PLK1: variants seen among roughly 807,000 people sequenced by gnomAD.
PLK1 encodes the protein serine/threonine-protein kinase PLK1.
PLK1 carries 6 observed loss-of-function variants against 56.7 expected under a neutral mutation model. The observed-to-expected ratio is 0.11, with a 90% confidence interval of 0.06 to 0.21. The LOEUF is 0.21. Among genes scored for constraint, PLK1 ranks in the 10% least tolerant of loss-of-function variants. The pLI, the probability that PLK1 is intolerant of heterozygous loss-of-function variation, is 1.00. For missense variants in PLK1, 546 were observed against 814.4 expected (o/e 0.67, Z 4.01); for synonymous variants, 298 against 325.0 (o/e 0.92, Z 0.89).
intron 3 of PLK1, among the ~76,000 whole-genome samples, chr16:23,681,755 G>GAT (rs1959334460): frequency 6.6e-6 from 1 of 152,194 alleles, no homozygotes; most frequent in Non-Finnish European, 1.5e-5. Flanking sequence ...GTAGCCCTTT[G>GAT]ACCTGTTTTG....
intron 6 of PLK1, among the ~76,000 whole-genome samples, chr16:23,688,021 C>T (rs1378229937): frequency 6.6e-6 from 1 of 152,208 alleles, no homozygotes; most frequent in East Asian, 1.9e-4. Flanking sequence ...AGTGTCAGCT[C>T]TGTGAGCATC....
At position 23,689,130 on chromosome 16, in the gene PLK1, T is replaced by G; in HGVS notation, c.1271-108T>G. 2.1e-6 allele frequency: 2 copies of G among 960,672 alleles called. No homozygotes were observed. Among genetic ancestry groups the G allele is most frequent in the Non-Finnish European group, 3.3e-6 (2 of 614,058 alleles). 59.5% of individuals were successfully genotyped at this position (960,672 alleles called of 1,614,324 possible). On this transcript the variant is annotated intron_variant, in intron 7 of 9. Coordinates refer to ENST00000300093, the MANE Select transcript of PLK1 (RefSeq NM_005030.6). The surrounding 1 kb of genome is among the most constrained non-coding windows in gnomAD (Gnocchi z 4.8). Reference sequence around the variant, plus strand: ...AACTCCTGGGCTCAAACAATCCTCCTCCCTCAGCCTCCCAAAGTGCTGGAA... The same window carrying G: ...AACTCCTGGGCTCAAACAATCCTCCGCCCTCAGCCTCCCAAAGTGCTGGAA...
intron 5 of PLK1, among the ~76,000 whole-genome samples, chr16:23,685,040 G>A (rs1012499870): frequency 7.9e-6 from 1 of 126,024 alleles, no homozygotes; most frequent in Non-Finnish European, 1.6e-5. Context: ...GGAGGGGAGT[G>A]GTATGATCTC....
intron 5 of PLK1, 60 bp from the exon 6 acceptor site, chr16:23,687,407 TTC>T: frequency 7.3e-7 from 1 of 1,361,016 alleles, no homozygotes; most frequent in Non-Finnish European, 9.9e-7. Context: ...TCGGAAGAGT[TTC>T]AGCTGTGGCA....
Position 23,690,073 on chromosome 16 carries a change from T to A in PLK1, c.*10T>A. 1 of 1,600,074 alleles carries A rather than the reference T, an allele frequency of 6.2e-7. No homozygotes were observed. The highest frequency in any genetic ancestry group is 1.1e-5 in the South Asian group (1 of 90,898). On this transcript the variant is annotated 3_prime_UTR_variant, in exon 10 of 10. Coordinates refer to ENST00000300093, the MANE Select transcript of PLK1 (RefSeq NM_005030.6). ...TCTCAAGGCCTCCTAATAGCTGCCC[T>A]CCCCTCCGGACTGGTGCCCTCCTCA...
Position 23,689,974 on chromosome 16 carries a change from G to T in PLK1, c.1723G>T (p.Glu575Ter), listed in dbSNP as rs759460218. The T allele has an allele frequency of 1.7e-5, 27 of 1,613,802 alleles. No individual in the cohort carries two copies. Among genetic ancestry groups the T allele is most frequent in the Non-Finnish European group, 2.1e-5 (25 of 1,179,982 alleles). The stretch of plus-strand genomic sequence containing the variant: ...CCTGGAGGAGTACGGCTGCTGCAAG[G>T]AGCTGGCCAGCCGGCTCCGCTACGC... ...SLLEEYGCCK[E>*]LASRLRYART... The change falls in exon 10 of 10, where the codon GAG becomes TAG. Residue 575 changes from glutamate (E) to a stop codon, truncating the protein, a stop_gained. Transcript: ENST00000300093. LOFTEE classifies it high-confidence loss of function. This position sits in a 1 kb window ranked among gnomAD's most constrained non-coding sequence, Gnocchi z 4.8.
chr16:23,687,447 C>T (rs1567240122), intron 5 of PLK1, 22 bp from the exon 6 acceptor site: 1 of 1,534,182 alleles, frequency 6.5e-7, no homozygotes, highest in South Asian at 1.2e-5. Context: ...TCCCAACGCC[C>T]CTGTTTTTGT....
chr16:23,687,483 C>A lies in PLK1; in HGVS notation c.1051C>A (p.Leu351Met), dbSNP rs1319627345. ...TVLNKGLENPLPERPREKEEP... is the reference protein window; with the variant it reads ...TVLNKGLENPMPERPREKEEP... ...CACCTTCCTAGGCTTGGAGAACCCCCTGCCTGAGCGTCCCCGGGAAAAAGA... is the reference window on the plus strand; with the variant it reads ...CACCTTCCTAGGCTTGGAGAACCCCATGCCTGAGCGTCCCCGGGAAAAAGA... The change falls in exon 6 of 10, where the codon CTG becomes ATG. Residue 351 changes from leucine to methionine, a missense_variant. Physicochemically the swap from Leu to Met is conservative, Grantham distance 15. Transcript: ENST00000300093. 1 of 1,588,854 alleles carries A rather than the reference C, an allele frequency of 6.3e-7. No individual in the cohort carries two copies. Among genetic ancestry groups the A allele is most frequent in the Non-Finnish European group, 8.6e-7 (1 of 1,163,698 alleles).
At chr16:23,680,393 ATT>A in intron 2 of PLK1, 141 bp downstream of exon 2, 1 of 574,374 alleles carries the variant, frequency 1.7e-6, no homozygotes, top group South Asian at 2.6e-5. Flanking sequence ...CCAATGCAAT[ATT>A]TTTTTTTTAC....
At chr16:23,687,283 G>A (rs1959443526) in intron 5 of PLK1, 186 bp from the exon 6 acceptor site, 1 of 434,218 alleles carries the variant, frequency 2.3e-6, no homozygotes, top group African/African-American at 2.0e-5. Flanking sequence ...CTGAAGATCT[G>A]TTGCCTCACA....
At chr16:23,681,144 C>T in intron 3 of PLK1, 86 bp downstream of exon 3, 1 of 1,205,296 alleles carries the variant, frequency 8.3e-7, no homozygotes, top group East Asian at 2.4e-5. Context: ...TTCTGTGGAC[C>T]TTTCGGCCTG....
In PLK1 at chr16:23,689,378, T is replaced by C; in HGVS notation, c.1411T>C (p.Ser471Pro). 6.2e-7 allele frequency: 1 copy of C among 1,610,226 alleles called. No homozygotes were observed. The highest frequency in any genetic ancestry group is 8.5e-7 in the Non-Finnish European group (1 of 1,176,690). ...SYLTVSSHPN[S>P]LMKKITLLKY... ...CCTCACCGTGAGTTCCCATCCCAAC[T>C]CCTTGATGAAGAAGGTGAGTGCCGT... The change falls in exon 8 of 10, where the codon TCC becomes CCC. Residue 471 changes from serine to proline, a missense_variant. Ser to Pro is a moderately conservative substitution (Grantham distance 74). This residue lies in a region of PLK1 where 113 missense variants were observed against 202.0 expected (regional missense o/e 0.56). Coordinates refer to ENST00000300093, the MANE Select transcript of PLK1 (RefSeq NM_005030.6). This position sits in a 1 kb window ranked among gnomAD's most constrained non-coding sequence, Gnocchi z 4.8.
At position 23,684,957 on chromosome 16, in the gene PLK1, C is replaced by CTTTT. The variant is rs71154221; in HGVS notation, c.1036+907_1036+910dup. 8.3e-4 allele frequency among the ~76,000 whole-genome samples: 47 copies of CTTTT among 56,938 alleles called. 11 individuals carry two copies. The highest frequency in any genetic ancestry group is 1.3e-3 in the Non-Finnish European group (39 of 30,362). The allele number at this position is 56,938 out of a possible 152,430, so 37.4% of individuals were successfully genotyped here. A position where few individuals can be genotyped will look rare whatever the true frequency, so the allele number is the denominator to read the frequency against. ...ACAGGCGTGAACCACCAGGCCCGGC[C>CTTTT]TTTTTTTTTTTTTTTTTTTTTTTTT... On this transcript the variant is annotated intron_variant, in intron 5 of 9. Coordinates refer to ENST00000300093, the MANE Select transcript of PLK1 (RefSeq NM_005030.6).
At chr16:23,686,612 C>T (rs1223937404) in intron 5 of PLK1, among the ~76,000 whole-genome samples, 1 of 152,192 alleles carries the variant, frequency 6.6e-6, no homozygotes, top group Non-Finnish European at 1.5e-5. Flanking sequence ...CCCACCTCAG[C>T]CTCCCAAGTA....
intron 1 of PLK1, 29 bp downstream of exon 1, chr16:23,679,369 T>C: frequency 6.3e-7 from 1 of 1,592,494 alleles, no homozygotes; most frequent in Non-Finnish European, 8.6e-7. Context: ...GAACTGGAAC[T>C]GCCTGCGGGG....
chr16:23,684,117 A>T lies in PLK1; in HGVS notation c.1036+28A>T, dbSNP rs75759068. The T allele has an allele frequency of 1.4e-3, 2,133 of 1,571,840 alleles. 23 individuals carry two copies. The African/African-American group carries it at 0.024, about 18-fold the overall frequency. On this transcript the variant is annotated intron_variant, in intron 5 of 9. Transcript: ENST00000300093. Reference sequence around the variant, plus strand: ...ACAACAAGGGTCTGGGTAAGAGAGCAGACCCCCCAGAGAAAGCCCAGGTTG... The same window carrying T: ...ACAACAAGGGTCTGGGTAAGAGAGCTGACCCCCCAGAGAAAGCCCAGGTTG...
Position 23,689,181 on chromosome 16 carries a change from G to T in PLK1, c.1271-57G>T. On this transcript the variant is annotated intron_variant, in intron 7 of 9. Coordinates refer to ENST00000300093, the MANE Select transcript of PLK1 (RefSeq NM_005030.6). This position sits in a 1 kb window ranked among gnomAD's most constrained non-coding sequence, Gnocchi z 4.8. ...TCACAGGCATGTGCCACCACGCCCG[G>T]TCCCACTCCCCACTTTCTATTCCCC... is the stretch of plus-strand genomic sequence containing the variant. 1 of 1,513,094 alleles carries T rather than the reference G, an allele frequency of 6.6e-7. No homozygotes were observed. The highest frequency in any genetic ancestry group is 2.3e-5 in the East Asian group (1 of 43,870). The allele number at this position is 1,513,094 out of a possible 1,614,324, so 93.7% of individuals were successfully genotyped here.
chr16:23,687,540 G>A lies in PLK1; in HGVS notation c.1108G>A (p.Val370Ile). The change falls in exon 6 of 10, where the codon GTC (valine) becomes ATC (isoleucine). Residue 370 changes from valine (V) to isoleucine (I), a missense_variant. Coordinates refer to ENST00000300093, the MANE Select transcript of PLK1 (RefSeq NM_005030.6). The stretch of plus-strand genomic sequence containing the variant: ...AGTGGTTCGAGAGACAGGTGAGGTG[G>A]TCGACTGCCACCTCAGTGACATGCT... ...EPVVRETGEV[V>I]DCHLSDMLQQ... The A allele has an allele frequency of 6.2e-7, 1 of 1,605,014 alleles. No homozygotes were observed. Among genetic ancestry groups the A allele is most frequent in the South Asian group, 1.1e-5 (1 of 89,448 alleles).
Position 23,688,739 on chromosome 16 carries a change from G to A in PLK1, c.1264G>A (p.Gly422Ser). ...SKWVDYSDKY[G>S]LGYQLCDNSV... is the part of the protein sequence containing the mutation. ...GTGGGTGGACTATTCGGACAAGTAC[G>A]GCCTTGGTAGGTTTCTTCCAGAACA... is the stretch of plus-strand genomic sequence containing the variant. The change falls in exon 7 of 10, where the codon GGC becomes AGC. Residue 422 changes from glycine (G) to serine (S), a missense_variant. By Grantham distance (56) the Gly-to-Ser change is moderately conservative. Around this residue, in one of 7 missense-constraint regions of PLK1, gnomAD observed 113 missense variants for 202.0 expected, o/e 0.56. Transcript: ENST00000300093. 1 of 1,611,326 alleles carries A rather than the reference G, an allele frequency of 6.2e-7. No homozygotes were observed. Among genetic ancestry groups the A allele is most frequent in the Non-Finnish European group, 8.5e-7 (1 of 1,177,428 alleles).
Sources: allele counts gnomAD v4.1 joint callset (sites outside exome capture counted in the v4.1 genomes callset), GRCh38; gene constraint gnomAD v4.1.1; regional missense constraint gnomAD v4.1.1; non-coding constraint Gnocchi (gnomAD v3.1); transcripts MANE v1.5; gene names NCBI Gene and HGNC (gene_info 2026-07-23, HGNC 2026-07-21).